FBLN2: variants seen among roughly 807,000 people sequenced by gnomAD.
The protein encoded by FBLN2 is fibulin-2.
In FBLN2, 81 loss-of-function variants were observed where a neutral mutation model predicts 123.7. That is an observed-to-expected ratio of 0.65 (90% CI 0.55 to 0.79). FBLN2 has a LOEUF of 0.79. Among genes scored for constraint, FBLN2 ranks in the 30% least tolerant of loss-of-function variants. The pLI is 0.00. For missense variants in FBLN2, 1,603 were observed against 1,681.3 expected (o/e 0.95, Z 0.81); for synonymous variants, 699 against 701.4 (o/e 1.00, Z 0.05).
At chr3:13,566,061 G>A (rs79800797) in intron 1 of FBLN2, among the ~76,000 whole-genome samples, 1 of 152,228 alleles carries the variant, frequency 6.6e-6, no homozygotes, top group Admixed American at 6.5e-5. Flanking sequence ...TTGGTGCAGT[G>A]TGACTGCCTG....
At chr3:13,572,061 C>T (rs1703982134) in intron 2 of FBLN2, among the ~76,000 whole-genome samples, 1 of 152,242 alleles carries the variant, frequency 6.6e-6, no homozygotes, top group Admixed American at 6.5e-5. Flanking sequence ...CGGTGGCTGG[C>T]CTGTGGCCTA....
intron 2 of FBLN2, among the ~76,000 whole-genome samples, chr3:13,604,552 G>A (rs930069942): frequency 1.2e-4 from 18 of 152,150 alleles, no homozygotes; most frequent in African/African-American, 4.3e-4. Context: ...GTAGATGTGT[G>A]GTATTATTTC....
At position 13,570,381 on chromosome 3, in the gene FBLN2, G is replaced by A; in HGVS notation, c.26G>A (p.Gly9Glu). The change falls in exon 2 of 18, where the codon GGA (glycine) becomes GAA (glutamate). Residue 9 changes from glycine to glutamate, a missense_variant. By Grantham distance (98) the Gly-to-Glu change is moderately conservative. Coordinates refer to ENST00000404922, the MANE Select transcript of FBLN2 (RefSeq NM_001004019.2). MVLLWEPA[G>E]AWLALGLALA... ...ATGGTGCTGCTCTGGGAGCCTGCAG[G>A]AGCCTGGCTTGCTCTGGGCCTGGCC... 6.4e-7 allele frequency: 1 copy of A among 1,572,258 alleles called. No homozygotes were observed. The highest frequency in any genetic ancestry group is 8.6e-7 in the Non-Finnish European group (1 of 1,158,516).
At chr3:13,600,034 A>C (rs867462417) in intron 2 of FBLN2, among the ~76,000 whole-genome samples, 12 of 139,696 alleles carry the variant, frequency 8.6e-5, no homozygotes, top group Non-Finnish European at 1.4e-4. Flanking sequence ...AGAGAGAGAG[A>C]GAGAGAGAGA....
chr3:13,565,884 A>G (rs1234655625), intron 1 of FBLN2, among the ~76,000 whole-genome samples: 1 of 152,254 alleles, frequency 6.6e-6, no homozygotes, highest in Non-Finnish European at 1.5e-5. Flanking sequence ...TCACATGGGT[A>G]CTGCCTTGCA....
At chr3:13,586,461 G>A (rs1463605853) in intron 2 of FBLN2, among the ~76,000 whole-genome samples, 1 of 150,078 alleles carries the variant, frequency 6.7e-6, no homozygotes, top group Non-Finnish European at 1.5e-5. Flanking sequence ...GGGATTACAG[G>A]CATGAGCCAC....
At chr3:13,636,655 C>T in intron 17 of FBLN2, 87 bp downstream of exon 17, 1 of 1,477,326 alleles carries the variant, frequency 6.8e-7, no homozygotes, top group Non-Finnish European at 9.1e-7. Flanking sequence ...GGGCGCCTGC[C>T]TTGATCACCT....
chr3:13,558,099 A>G (rs1380899274), intron 1 of FBLN2, among the ~76,000 whole-genome samples: 2 of 152,202 alleles, frequency 1.3e-5, no homozygotes, highest in Non-Finnish European at 2.9e-5. Flanking sequence ...TGGGCACAGC[A>G]AAGGCCTGAG....
chr3:13,575,837 C>G (rs576475594), intron 2 of FBLN2, among the ~76,000 whole-genome samples: 1 of 152,194 alleles, frequency 6.6e-6, no homozygotes, highest in Non-Finnish European at 1.5e-5. Flanking sequence ...TTCCGCTCCT[C>G]CCCCATCCCA....
chr3:13,554,237 T>C (rs1285617781), intron 1 of FBLN2, among the ~76,000 whole-genome samples: 2 of 152,214 alleles, frequency 1.3e-5, no homozygotes, highest in Admixed American at 1.3e-4. Context: ...CAGCCACCTG[T>C]GTCTCCCGTG....
intron 2 of FBLN2, among the ~76,000 whole-genome samples, chr3:13,597,681 C>A (rs1315493447): frequency 6.6e-6 from 1 of 152,216 alleles, no homozygotes; most frequent in Admixed American, 6.5e-5. Flanking sequence ...CACCAGAATA[C>A]TCAGGGTCGT....
chr3:13,567,430 T>C (rs1039580827), intron 1 of FBLN2, among the ~76,000 whole-genome samples: 1 of 152,198 alleles, frequency 6.6e-6, no homozygotes, highest in African/African-American at 2.4e-5. Flanking sequence ...CGATCTCGGC[T>C]CACTCCAACC....
intron 2 of FBLN2, among the ~76,000 whole-genome samples, chr3:13,595,326 C>G (rs901512401): frequency 2.0e-5 from 3 of 152,166 alleles, no homozygotes; most frequent in Non-Finnish European, 4.4e-5. Context: ...GAAGGCATCC[C>G]TCAGGCTGAG....
In FBLN2 at chr3:13,600,038, AGAGAGAGC is replaced by A. The variant is rs1559413896; in HGVS notation, c.1307-8016_1307-8009del. On this transcript the variant is annotated intron_variant, in intron 2 of 17. Coordinates refer to ENST00000404922, the MANE Select transcript of FBLN2 (RefSeq NM_001004019.2). ...ACGACAGAGAGAGAGAGAGAGAGAG[AGAGAGAGC>A]GAGAGAGAGAGAGAGCGATAGAGAG... Among the ~76,000 whole-genome samples, 3 of 135,312 alleles carry A rather than the reference AGAGAGAGC, an allele frequency of 2.2e-5. No individual in the cohort carries two copies. In the South Asian group the frequency reaches 6.9e-4, roughly 31 times the overall value. 88.8% of individuals were successfully genotyped at this position (135,312 alleles called of 152,430 possible). A position where few individuals can be genotyped will look rare whatever the true frequency, so the allele number is the denominator to read the frequency against.
chr3:13,562,921 G>A (rs1276465573), intron 1 of FBLN2, among the ~76,000 whole-genome samples: 1 of 152,174 alleles, frequency 6.6e-6, no homozygotes, highest in Non-Finnish European at 1.5e-5. Flanking sequence ...ACCTAGCACA[G>A]CGTCCTCAGG....
At chr3:13,584,399 G>C (rs1324273267) in intron 2 of FBLN2, among the ~76,000 whole-genome samples, 1 of 152,128 alleles carries the variant, frequency 6.6e-6, no homozygotes, top group Non-Finnish European at 1.5e-5. Flanking sequence ...TCCAACCCAG[G>C]CTCTCTCTGC....
rs1706534976 is a variant in FBLN2 at position 13,637,847 on chromosome 3, G to A, written c.3624G>A (p.Lys1208=). The A allele has an allele frequency of 1.2e-6, 2 of 1,612,660 alleles. No homozygotes were observed. Among genetic ancestry groups the A allele is most frequent in the African/African-American group, 1.3e-5 (1 of 74,932 alleles). ...ACTTTGCCCTGGACGTGGAGATGAA[G>A]CTCTGGAGGCAGGGCTCCGTCACCA... The part of the protein sequence containing the change: ...PRDFALDVEM[K]LWRQGSVTTF... The change falls in exon 18 of 18, where the codon AAG becomes AAA. Residue 1208 remains lysine, a synonymous_variant. Coordinates refer to ENST00000404922, the MANE Select transcript of FBLN2 (RefSeq NM_001004019.2).
At chr3:13,555,152 A>G (rs1380704411) in intron 1 of FBLN2, among the ~76,000 whole-genome samples, 46 of 151,886 alleles carry the variant, frequency 3.0e-4, no homozygotes, top group Middle Eastern at 3.4e-3. Context: ...GGGTTTCACC[A>G]TGTTGGCCAG....
At chr3:13,609,687 G>A in intron 4 of FBLN2, 45 bp downstream of exon 4, 6 of 463,676 alleles carry the variant, frequency 1.3e-5, no homozygotes, top group Non-Finnish European at 2.2e-5. Flanking sequence ...GGTGGGGCGG[G>A]GCGGGAGGCT....
Sources: allele counts gnomAD v4.1 joint callset (sites outside exome capture counted in the v4.1 genomes callset), GRCh38; gene constraint gnomAD v4.1.1; transcripts MANE v1.5; gene names NCBI Gene and HGNC (gene_info 2026-07-23, HGNC 2026-07-21).